Variants in DACT3 observed in about 807,000 individuals in gnomAD.
The protein encoded by DACT3 is dapper homolog 3.
A neutral mutation model predicts 19.6 loss-of-function variants in DACT3; 5 were observed. The ratio of observed to expected loss-of-function variants is 0.26; its 90% CI spans 0.13 to 0.54. The LOEUF is 0.54. DACT3 is among the 20% of genes least tolerant of loss of function. The pLI, the probability that DACT3 is intolerant of heterozygous loss-of-function variation, is 0.95. For synonymous variants in DACT3, 454 were observed against 428.1 expected (o/e 1.06, Z -0.75); for missense variants, 908 against 927.4 (o/e 0.98, Z 0.27).
chr19:46,660,456 G>T lies in DACT3; in HGVS notation c.249+360C>A. ...GCCTCAATTTGTTTCTCTGTTAAAT[G>T]GGGACTATCACCCCGTTTCCCAAGC... On this transcript the variant is annotated intron_variant, in intron 1 of 3. Transcript: ENST00000391916. The surrounding 1 kb of genome is among the most constrained non-coding windows in gnomAD (Gnocchi z 4.9). 13 of 226,824 alleles carry T rather than the reference G, an allele frequency of 5.7e-5. No individual in the cohort carries two copies. The highest frequency in any genetic ancestry group is 1.2e-4 in the Admixed American group (2 of 16,754). 14.1% of individuals were successfully genotyped at this position (226,824 alleles called of 1,614,324 possible). A position where few individuals can be genotyped will look rare whatever the true frequency, so the allele number is the denominator to read the frequency against.
rs2052948377 is a variant in DACT3, at chr19:46,648,949, G to T, written c.1423C>A (p.Arg475Ser). Residue 475 changes from arginine to serine, a missense_variant, in exon 4 of 4, where the codon CGC becomes AGC. This residue lies in a region of DACT3 where 656 missense variants were observed against 601.8 expected (regional missense o/e 1.09). Coordinates refer to ENST00000391916, the MANE Select transcript of DACT3 (RefSeq NM_145056.3). This position sits in a 1 kb window ranked among gnomAD's most constrained non-coding sequence, Gnocchi z 5.1. ...TCGATCTCCGCAGTGGAGCGCCAGC[G>T]ACGGCAGGACCCTGCGGCCTGGGCC... is the stretch of plus-strand genomic sequence containing the variant. ...LAAQAAGSCR[R>S]WRSTAEIDAA... The T allele has an allele frequency of 7.6e-7, 1 of 1,317,548 alleles. No homozygotes were observed. Among genetic ancestry groups the T allele is most frequent in the East Asian group, 3.2e-5 (1 of 31,448 alleles). The allele number at this position is 1,317,548 out of a possible 1,614,324, so 81.6% of individuals were successfully genotyped here. A position where few individuals can be genotyped will look rare whatever the true frequency, so the allele number is the denominator to read the frequency against.
chr19:46,659,717 C>T (rs1381162930), intron 1 of DACT3, among the ~76,000 whole-genome samples: 1 of 152,012 alleles, frequency 6.6e-6, no homozygotes, highest in African/African-American at 2.4e-5. Flanking sequence ...TCCACTGCCA[C>T]CTCGGCTCAG....
chr19:46,653,152 T>C (rs543168989), intron 1 of DACT3, 77 bp from the exon 2 acceptor site: 3 of 1,524,624 alleles, frequency 2.0e-6, no homozygotes, highest in South Asian at 1.2e-5. Flanking sequence ...CACGAGCTCA[T>C]GGGCAGAGTT....
At position 46,649,526 on chromosome 19, in the gene DACT3, C is replaced by A; in HGVS notation, c.846G>T (p.Gln282His). The A allele has an allele frequency of 9.4e-7, 1 of 1,065,672 alleles. No individual in the cohort carries two copies. The highest frequency in any genetic ancestry group is 4.4e-5 in the South Asian group (1 of 22,874). 66.0% of individuals were successfully genotyped at this position (1,065,672 alleles called of 1,614,324 possible). ...CGGGCGGCCGCTGGCGCACGCTGTT[C>A]TGGCGCCGCGGGCCGCCGTCCGCGC... is the stretch of plus-strand genomic sequence containing the variant. Reference protein sequence around the residue: ...PGGADGGPRRQNSVRQRPPDA... With the variant: ...PGGADGGPRRHNSVRQRPPDA... Residue 282 changes from glutamine to histidine, a missense_variant, in exon 4 of 4, where the codon CAG (glutamine) becomes CAT (histidine). Gln to His is a conservative substitution (Grantham distance 24). This residue lies in a region of DACT3 where 656 missense variants were observed against 601.8 expected (regional missense o/e 1.09). Transcript: ENST00000391916.
Position 46,649,364 on chromosome 19 carries a change from G to C in DACT3, c.1008C>G (p.Pro336=). 2 of 1,263,048 alleles carry C rather than the reference G, an allele frequency of 1.6e-6. No individual in the cohort carries two copies. The highest frequency in any genetic ancestry group is 2.0e-6 in the Non-Finnish European group (2 of 998,960). 78.2% of individuals were successfully genotyped at this position (1,263,048 alleles called of 1,614,324 possible). The change falls in exon 4 of 4, where the codon CCC becomes CCG. Residue 336 remains proline, a synonymous_variant. Coordinates refer to ENST00000391916, the MANE Select transcript of DACT3 (RefSeq NM_145056.3). ...GTGAGGGGGCGGCGGGCGGCGCAGC[G>C]GGCTCGGGTGCCGCCTCCGACTCCC... is the stretch of plus-strand genomic sequence containing the variant. The part of the protein sequence containing the change: ...SSWESEAAPE[P]AAPPAAPSPP...
rs1200019495 is a variant in DACT3 at position 46,649,233 on chromosome 19, G to T, written c.1139C>A (p.Pro380Gln). 8.3e-7 allele frequency: 1 copy of T among 1,199,550 alleles called. No individual in the cohort carries two copies. Among genetic ancestry groups the T allele is most frequent in the Non-Finnish European group, 1.0e-6 (1 of 969,812 alleles). The allele number at this position is 1,199,550 out of a possible 1,614,324, so 74.3% of individuals were successfully genotyped here. The change falls in exon 4 of 4, where the codon CCG becomes CAG. Residue 380 changes from proline (P) to glutamine (Q), a missense_variant. Pro to Gln is a moderately conservative substitution (Grantham distance 76). Around this residue, in one of 2 missense-constraint regions of DACT3, gnomAD observed 656 missense variants for 601.8 expected, o/e 1.09. Transcript: ENST00000391916. ...CACGCTGCGGCCGCGGGTCAGTGGCGGCGGTTTGCGGCGGGCGGCGCGGCC... is the reference window on the plus strand; with the variant it reads ...CACGCTGCGGCCGCGGGTCAGTGGCTGCGGTTTGCGGCGGGCGGCGCGGCC... ...LPGRAARRKP[P>Q]PLTRGRSVEQ...
rs951897310 is a variant in DACT3 at position 46,660,933 on chromosome 19, C to A, written c.132G>T (p.Ala44=). Residue 44 remains alanine (A), a synonymous_variant, in exon 1 of 4, where the codon GCG becomes GCT. Coordinates refer to ENST00000391916, the MANE Select transcript of DACT3 (RefSeq NM_145056.3). This position sits in a 1 kb window ranked among gnomAD's most constrained non-coding sequence, Gnocchi z 4.9. ...CCATTCCGGGCTGGGCCAGCCGCAG[C>A]GCCTGCTGCACGCGGTACTCCTGCC... is the stretch of plus-strand genomic sequence containing the variant. The part of the protein sequence containing the change: ...RERQEYRVQQ[A]LRLAQPGMGG... 2.6e-6 allele frequency: 4 copies of A among 1,539,662 alleles called. No individual in the cohort carries two copies. In the South Asian group the frequency reaches 4.8e-5, roughly 18 times the overall value.
intron 1 of DACT3, among the ~76,000 whole-genome samples, chr19:46,653,586 C>G (rs997207920): frequency 4.5e-5 from 4 of 89,806 alleles, no homozygotes; most frequent in African/African-American, 1.8e-4. Flanking sequence ...TAGGGTCTCA[C>G]TCTGTCGCCT....
chr19:46,652,428 G>A (rs1040203939), intron 3 of DACT3: 10 of 539,702 alleles, frequency 1.9e-5, no homozygotes, highest in East Asian at 5.9e-5. Flanking sequence ...CAAGTGATCC[G>A]CCCACCTCCC....
At chr19:46,659,565 TC>T in intron 1 of DACT3, 1 of 463,922 alleles carries the variant, frequency 2.2e-6, no homozygotes, top group Non-Finnish European at 2.8e-6. Context: ...TGTTTCTGTT[TC>T]CAGAAAAGAA....
intron 1 of DACT3, chr19:46,654,604 T>C (rs2053018523): frequency 1.0e-6 from 1 of 985,272 alleles, no homozygotes; most frequent in Non-Finnish European, 1.2e-6. Context: ...CTTAATCTCA[T>C]TTTAGAAAAG....
Position 46,648,587 on chromosome 19 carries a change from G to C in DACT3, c.1785C>G (p.Pro595=), listed in dbSNP as rs45499896. The change falls in exon 4 of 4, where the codon CCC becomes CCG. Residue 595 remains proline, a synonymous_variant. Transcript: ENST00000391916. The surrounding 1 kb of genome is among the most constrained non-coding windows in gnomAD (Gnocchi z 5.1). ...TCACGAAGACTTTGGCGGGGCCTGC[G>C]GGCGCCCCTGCACCTGCTCCACCCC... is the stretch of plus-strand genomic sequence containing the variant. ...ASGGGAGAGA[P]AGPAKVFVKI... is the part of the protein sequence containing the mutation. The C allele has an allele frequency of 1.1e-3, 1,788 of 1,613,548 alleles. 1 individual carries two copies. Among genetic ancestry groups the C allele is most frequent in the Middle Eastern group, 1.5e-3 (9 of 6,062 alleles).
intron 3 of DACT3, chr19:46,651,156 C>T (rs181595306): frequency 6.6e-6 from 1 of 152,140 alleles, no homozygotes; most frequent in African/African-American, 2.4e-5. Flanking sequence ...GATCTCAGCT[C>T]ACTGCAATCT....
intron 1 of DACT3, among the ~76,000 whole-genome samples, chr19:46,653,470 G>A (rs1424627167): frequency 1.3e-5 from 2 of 151,878 alleles, no homozygotes; most frequent in Non-Finnish European, 2.9e-5. Flanking sequence ...CTGCTAAAAG[G>A]TGGTGTCCAG....
intron 1 of DACT3, among the ~76,000 whole-genome samples, chr19:46,656,370 A>G (rs1220615825): frequency 6.6e-6 from 1 of 151,336 alleles, no homozygotes; most frequent in Non-Finnish European, 1.5e-5. Flanking sequence ...TATTTTTGAG[A>G]CAAGGTCTCA....
chr19:46,649,046 A>C lies in DACT3; in HGVS notation c.1326T>G (p.Pro442=). Residue 442 remains proline (P), a synonymous_variant, in exon 4 of 4, where the codon CCT becomes CCG. Transcript: ENST00000391916. ...CTTCCCGCTCCGCCGTGGGGTACTT[A>C]GGGGGCCCCGAAGGGACCGCGGAGG... ...GRASAVPSGP[P]KYPTAEREEP... The C allele has an allele frequency of 7.8e-7, 1 of 1,281,700 alleles. No individual in the cohort carries two copies. Among genetic ancestry groups the C allele is most frequent in the Non-Finnish European group, 9.8e-7 (1 of 1,016,902 alleles). The allele number at this position is 1,281,700 out of a possible 1,614,324, so 79.4% of individuals were successfully genotyped here. A position where few individuals can be genotyped will look rare whatever the true frequency, so the allele number is the denominator to read the frequency against.
Position 46,648,600 on chromosome 19 carries a change from C to A in DACT3, c.1772G>T (p.Gly591Val), listed in dbSNP as rs776135784. ...AATAASGGGA[G>V]AGAPAGPAKV... ...GGCGGGGCCTGCGGGCGCCCCTGCA[C>A]CTGCTCCACCCCCAGAGGCCGCGGT... The change falls in exon 4 of 4, where the codon GGT (glycine) becomes GTT (valine). Residue 591 changes from glycine to valine, a missense_variant. By Grantham distance (109) the Gly-to-Val change is moderately radical. Coordinates refer to ENST00000391916, the MANE Select transcript of DACT3 (RefSeq NM_145056.3). This position sits in a 1 kb window ranked among gnomAD's most constrained non-coding sequence, Gnocchi z 5.1. The A allele has an allele frequency of 4.3e-6, 7 of 1,613,310 alleles. No individual in the cohort carries two copies. The South Asian group carries it at 7.7e-5, about 18-fold the overall frequency.
In DACT3 at chr19:46,660,972, A is replaced by G. The variant is rs1212737906; in HGVS notation, c.93T>C (p.His31=). 3.2e-6 allele frequency: 5 copies of G among 1,540,112 alleles called. No homozygotes were observed. Among genetic ancestry groups the G allele is most frequent in the Non-Finnish European group, 1.7e-6 (2 of 1,145,716 alleles). ...GGTACTCCTGCCTCTCCCGGAGCCAATGTAACTCGCAGAGCCCGGCCAGGC... is the reference window on the plus strand; with the variant it reads ...GGTACTCCTGCCTCTCCCGGAGCCAGTGTAACTCGCAGAGCCCGGCCAGGC... ...EGSLAGLCEL[H]WLRERQEYRV... Residue 31 remains histidine (H), a synonymous_variant, in exon 1 of 4, where the codon CAT becomes CAC. Coordinates refer to ENST00000391916, the MANE Select transcript of DACT3 (RefSeq NM_145056.3). This position sits in a 1 kb window ranked among gnomAD's most constrained non-coding sequence, Gnocchi z 4.9.
At chr19:46,654,008 T>G (rs1276625533) in intron 1 of DACT3, 2 of 985,282 alleles carry the variant, frequency 2.0e-6, no homozygotes, top group Admixed American at 1.2e-4. Context: ...ATAAACGTCT[T>G]TGCTCTCCCT....
Sources: gnomAD v4.1 joint callset for allele counts (sites outside exome capture counted in the v4.1 genomes callset) on GRCh38, gnomAD v4.1.1 for gene constraint, gnomAD v4.1.1 regional missense constraint, Gnocchi (gnomAD v3.1) non-coding constraint, MANE v1.5 for transcripts, NCBI Gene and HGNC (gene_info 2026-07-23, HGNC 2026-07-21) for gene names.